Variants in TM7SF3 observed in about 807,000 individuals in gnomAD.
TM7SF3 encodes the protein seven span transmembrane protein.
In TM7SF3, 60 loss-of-function variants were observed where a neutral mutation model predicts 65.5. The observed-to-expected ratio is 0.92, with a 90% CI of 0.74 to 1.14. The LOEUF (loss-of-function observed/expected upper bound fraction) is 1.14. Among genes scored for constraint, TM7SF3 ranks in the 50% most tolerant of loss-of-function variants. TM7SF3 has a pLI of 0.00. For synonymous variants in TM7SF3, 264 were observed against 259.6 expected (o/e 1.02, Z -0.16); for missense variants, 623 against 684.8 (o/e 0.91, Z 1.01).
At chr12:27,012,650 G>T (rs1941288610) in intron 1 of TM7SF3, 1 of 455,962 alleles carries the variant, frequency 2.2e-6, no homozygotes, top group Non-Finnish European at 4.4e-6. Context: ...CATTCACCAA[G>T]CACAAGACTT....
At chr12:26,980,769 C>T in intron 7 of TM7SF3, 123 bp from the exon 8 acceptor site, 1 of 541,680 alleles carries the variant, frequency 1.8e-6, no homozygotes, top group Non-Finnish European at 3.2e-6. Context: ...CTGGAATTTA[C>T]ATGTTACAGC....
chr12:27,007,068 T>C (rs914203016), intron 1 of TM7SF3, among the ~76,000 whole-genome samples: 6 of 152,206 alleles, frequency 3.9e-5, no homozygotes, highest in African/African-American at 1.4e-4. Flanking sequence ...TAGTCTAAGA[T>C]ATCCAGAAAT....
chr12:27,012,666 C>G (rs1016633355), intron 1 of TM7SF3: 2 of 455,930 alleles, frequency 4.4e-6, no homozygotes, highest in African/African-American at 4.0e-5. Flanking sequence ...GACTTACAAT[C>G]TAACATCCCA....
intron 1 of TM7SF3, among the ~76,000 whole-genome samples, chr12:27,004,567 T>C (rs760817132): frequency 6.6e-6 from 1 of 152,134 alleles, no homozygotes; most frequent in Non-Finnish European, 1.5e-5. Context: ...AGGTCAATTT[T>C]CAACACTTTT....
chr12:26,995,603 A>G (rs1458686840), intron 4 of TM7SF3, among the ~76,000 whole-genome samples, 195 bp from the exon 5 acceptor site: 4 of 152,204 alleles, frequency 2.6e-5, no homozygotes, highest in East Asian at 1.9e-4. Flanking sequence ...TGTCTCCCCA[A>G]AATTAATATG....
chr12:26,971,900 ATGT>A lies in TM7SF3; in HGVS notation c.*2062_*2064del, dbSNP rs1360075302. On this transcript the variant is annotated 3_prime_UTR_variant, in exon 12 of 12. Coordinates refer to ENST00000343028, the MANE Select transcript of TM7SF3 (RefSeq NM_016551.3). ...AAGCAAAAATTGTTTTATATTTTCTATGTTGTTTTATCCTGCCCCAAACACTTA... is the reference window on the plus strand; with the variant it reads ...AAGCAAAAATTGTTTTATATTTTCTATGTTTTATCCTGCCCCAAACACTTA... 11 of 152,228 alleles carry A rather than the reference ATGT, an allele frequency of 7.2e-5. No individual in the cohort carries two copies. The highest frequency in any genetic ancestry group is 1.6e-4 in the Non-Finnish European group (11 of 68,038). 9.4% of individuals were successfully genotyped at this position (152,228 alleles called of 1,614,324 possible).
chr12:27,009,843 T>A (rs1022039447), intron 1 of TM7SF3, among the ~76,000 whole-genome samples: 1 of 117,382 alleles, frequency 8.5e-6, no homozygotes, highest in African/African-American at 2.6e-5. Flanking sequence ...TAAATATGTA[T>A]TTTTTTCCCA....
rs1565859975 is a variant in TM7SF3, at chr12:26,971,773, T to C, written c.*2192A>G. On this transcript the variant is annotated 3_prime_UTR_variant, in exon 12 of 12. Transcript: ENST00000343028. ...ATAACTTTGTCCCTACAGTAAATAA[T>C]TTTTTAAAACTTTTCATCAAGTTTC... 6.6e-6 allele frequency: 1 copy of C among 152,156 alleles called. No individual in the cohort carries two copies. Among genetic ancestry groups the C allele is most frequent in the Non-Finnish European group, 1.5e-5 (1 of 68,020 alleles). The allele number at this position is 152,156 out of a possible 1,614,324, so 9.4% of individuals were successfully genotyped here.
intron 6 of TM7SF3, 125 bp from the exon 7 acceptor site, chr12:26,982,984 T>G: frequency 1.5e-6 from 1 of 645,402 alleles, no homozygotes; most frequent in Non-Finnish European, 2.5e-6. Flanking sequence ...ACATGTATAT[T>G]ACAAATTTAT....
rs192970982 is a variant in TM7SF3 at position 27,004,153 on chromosome 12, T to A, written c.92-763A>T. On this transcript the variant is annotated intron_variant, in intron 1 of 11. Coordinates refer to ENST00000343028, the MANE Select transcript of TM7SF3 (RefSeq NM_016551.3). ...CCTCCATGGTCTGCATCTCACTGACTCTGTCCCCACTTCTCTGTGATGTGT... is the reference window on the plus strand; with the variant it reads ...CCTCCATGGTCTGCATCTCACTGACACTGTCCCCACTTCTCTGTGATGTGT... Among the ~76,000 whole-genome samples the A allele has an allele frequency of 4.3e-4, 66 of 152,352 alleles. 1 individual carries two copies. In the Middle Eastern group the frequency reaches 0.01, roughly 24 times the overall value.
chr12:26,975,322 T>C (rs1330573891), intron 11 of TM7SF3, among the ~76,000 whole-genome samples, 174 bp downstream of exon 11: 1 of 152,208 alleles, frequency 6.6e-6, no homozygotes, highest in Non-Finnish European at 1.5e-5. Flanking sequence ...AATGCTTTAC[T>C]CCCATGATCC....
chr12:26,994,800 T>C (rs1011107648), intron 5 of TM7SF3, among the ~76,000 whole-genome samples: 8 of 152,232 alleles, frequency 5.3e-5, no homozygotes, highest in Middle Eastern at 3.2e-3. Flanking sequence ...ATTCAAAAGC[T>C]CAGAGAAGAA....
Position 26,974,127 on chromosome 12 carries a change from G to C in TM7SF3, c.1551C>G (p.Tyr517Ter), listed in dbSNP as rs758995196. The change falls in exon 12 of 12, where the codon TAC becomes TAG. Residue 517 changes from tyrosine to a stop codon, truncating the protein, a stop_gained. Coordinates refer to ENST00000343028, the MANE Select transcript of TM7SF3 (RefSeq NM_016551.3). LOFTEE classifies it high-confidence loss of function. ...GCTCTCTCTCTTGCTTCCATAACTT[G>C]TATGGGTGGGGAGGGAAGAACGGTC... Reference protein sequence around the residue: ...RGRPFFPPHPYKLWKQERERR... With the variant: ...RGRPFFPPHP The C allele has an allele frequency of 5.0e-6, 8 of 1,614,048 alleles. No homozygotes were observed. The highest frequency in any genetic ancestry group is 6.8e-6 in the Non-Finnish European group (8 of 1,180,038).
In TM7SF3 at chr12:27,014,325, C is replaced by T. The variant is rs894510871; in HGVS notation, c.-157G>A. ...GCTTCGCACCTGCCAGCTCCGCAGC[C>T]GCCGGCGCGCGCCCCGCCGAACTCC... On this transcript the variant is annotated 5_prime_UTR_variant, in exon 1 of 12. Transcript: ENST00000343028. 7.0e-6 allele frequency: 3 copies of T among 430,782 alleles called. No individual in the cohort carries two copies. The highest frequency in any genetic ancestry group is 4.2e-5 in the African/African-American group (2 of 47,910). The allele number at this position is 430,782 out of a possible 1,614,324, so 26.7% of individuals were successfully genotyped here.
At chr12:26,992,178 T>C (rs1054161192) in intron 5 of TM7SF3, among the ~76,000 whole-genome samples, 4 of 152,220 alleles carry the variant, frequency 2.6e-5, no homozygotes, top group African/African-American at 9.7e-5. Context: ...CCAAACATTA[T>C]GGCTTTACCC....
At chr12:26,981,333 C>CA (rs933151641) in intron 7 of TM7SF3, among the ~76,000 whole-genome samples, 15 of 151,800 alleles carry the variant, frequency 9.9e-5, no homozygotes, top group Non-Finnish European at 1.8e-4. Flanking sequence ...ATCAACACAC[C>CA]AAAAAAACCC....
rs376039875 is a variant in TM7SF3, at chr12:26,979,750, C to T, written c.1189+34G>A. 3.9e-4 allele frequency: 630 copies of T among 1,604,536 alleles called. No homozygotes were observed. Among genetic ancestry groups the T allele is most frequent in the Middle Eastern group, 4.9e-4 (3 of 6,076 alleles). On this transcript the variant is annotated intron_variant, in intron 9 of 11. Transcript: ENST00000343028. Reference sequence around the variant, plus strand: ...ATTAGGCAGTATTCAAACAGTCACTCGAACACACAAAACATCTGTTACATA... The same window carrying T: ...ATTAGGCAGTATTCAAACAGTCACTTGAACACACAAAACATCTGTTACATA...
chr12:27,003,375 G>C lies in TM7SF3; in HGVS notation c.107C>G (p.Ser36Cys). 1 of 1,611,398 alleles carries C rather than the reference G, an allele frequency of 6.2e-7. No individual in the cohort carries two copies. ...GNSSEGLIEF[S>C]VGKFRYFELN... ...CTCGAAGTATCTAAATTTCCCCACA[G>C]AAAATTCAATAAGACCTACAACGAG... The change falls in exon 2 of 12, where the codon TCT becomes TGT. Residue 36 changes from serine to cysteine, a missense_variant. Ser to Cys is a moderately radical substitution (Grantham distance 112). Coordinates refer to ENST00000343028, the MANE Select transcript of TM7SF3 (RefSeq NM_016551.3).
chr12:26,974,078 G>A lies in TM7SF3; in HGVS notation c.1600C>T (p.Pro534Ser), dbSNP rs1444652804. Reference protein sequence around the residue: ...RERRVTNILDPSYHIPPLRER... With the variant: ...RERRVTNILDSSYHIPPLRER... ...CTCAATGGAGGAATGTGGTAGCTAG[G>A]GTCCAGAATGTTTGTCACTCGGCGC... The change falls in exon 12 of 12, where the codon CCT (proline) becomes TCT (serine). Residue 534 changes from proline (P) to serine (S), a missense_variant. Pro to Ser is a moderately conservative substitution (Grantham distance 74). Transcript: ENST00000343028. The A allele has an allele frequency of 1.2e-6, 2 of 1,614,126 alleles. No homozygotes were observed. The highest frequency in any genetic ancestry group is 1.7e-6 in the Non-Finnish European group (2 of 1,180,026).
Sources: gnomAD v4.1 joint callset for allele counts (sites outside exome capture counted in the v4.1 genomes callset) on GRCh38, gnomAD v4.1.1 for gene constraint, MANE v1.5 for transcripts, NCBI Gene and HGNC (gene_info 2026-07-23, HGNC 2026-07-21) for gene names.